Variants in DOK6 observed in about 807,000 individuals in gnomAD.
DOK6 encodes docking protein 6, also known as downstream of tyrosine kinase 6.
DOK6 carries 22 observed loss-of-function variants against 44.0 expected under a neutral mutation model. The ratio of observed to expected loss-of-function variants is 0.50; its 90% CI spans 0.36 to 0.71. DOK6 has a LOEUF of 0.71. Among genes scored for constraint, DOK6 ranks in the 30% least tolerant of loss-of-function variants. The pLI is 0.00. For missense variants in DOK6, 340 were observed against 416.4 expected, an observed-to-expected ratio of 0.82 and a Z score of 1.60; for synonymous variants, 166 against 145.5, an observed-to-expected ratio of 1.14 and a Z score of -1.01.
chr18:69,596,939 T>TCAGATAGTAATTTC (rs1371980014), intron 2 of DOK6, among the ~76,000 whole-genome samples: 8 of 151,930 alleles, frequency 5.3e-5, no homozygotes, highest in African/African-American at 1.9e-4. Flanking sequence ...GGAAATGACT[T>TCAGATAGTAATTTC]CAGATAGTAA....
At chr18:69,700,234 T>TATATATATATATATATA (rs1986487942) in intron 5 of DOK6, among the ~76,000 whole-genome samples, 2 of 147,326 alleles carry the variant, frequency 1.4e-5, no homozygotes, top group African/African-American at 2.5e-5. Flanking sequence ...TATATATATA[T>TATATATATATATATATA]GAATTGAATG....
rs186590580 is a variant in DOK6, at chr18:69,527,959, C to T, written c.67-36528C>T. ...CGGGCGGATCACGAGGTCAGGAGAT[C>T]GATACCATCTTGGCTAACATGGTGA... On this transcript the variant is annotated intron_variant, in intron 1 of 7. Transcript: ENST00000382713. Among the ~76,000 whole-genome samples, 1,362 of 152,072 alleles carry T rather than the reference C, an allele frequency of 9.0e-3. 51 individuals carry two copies. Among genetic ancestry groups the T allele is most frequent in the Admixed American group, 0.06 (921 of 15,250 alleles).
chr18:69,564,700 G>T, intron 2 of DOK6, 106 bp downstream of exon 2: 1 of 845,344 alleles, frequency 1.2e-6, no homozygotes, highest in Admixed American at 3.1e-5. Flanking sequence ...TTAATGGCTT[G>T]GGAAAAATGC....
intron 1 of DOK6, among the ~76,000 whole-genome samples, chr18:69,480,402 G>T (rs1023315109): frequency 6.6e-6 from 1 of 151,952 alleles, no homozygotes; most frequent in Non-Finnish European, 1.5e-5. Flanking sequence ...GAACCAAACA[G>T]ATTTTTATTT....
At chr18:69,762,655 G>A (rs565855673) in intron 7 of DOK6, among the ~76,000 whole-genome samples, 111 of 152,286 alleles carry the variant, frequency 7.3e-4, no homozygotes, top group African/African-American at 2.6e-3. Context: ...TATATTTAAA[G>A]TTTAAGAGAT....
intron 1 of DOK6, among the ~76,000 whole-genome samples, chr18:69,428,080 G>A (rs960462676): frequency 6.6e-6 from 1 of 151,990 alleles, no homozygotes; most frequent in South Asian, 2.1e-4. Flanking sequence ...GCCTGGCCTG[G>A]AGTACCCTAC....
At chr18:69,828,467 C>T (rs1018271839) in intron 7 of DOK6, among the ~76,000 whole-genome samples, 1 of 151,426 alleles carries the variant, frequency 6.6e-6, no homozygotes, top group African/African-American at 2.4e-5. Flanking sequence ...TAGGTAATTA[C>T]AATAATTAAA....
chr18:69,772,333 A>G (rs1979913738), intron 7 of DOK6, among the ~76,000 whole-genome samples: 1 of 152,036 alleles, frequency 6.6e-6, no homozygotes, highest in Admixed American at 6.6e-5. Context: ...AAAAAATCCC[A>G]AGGTATTTTT....
At position 69,446,292 on chromosome 18, in the gene DOK6, T is replaced by G. The variant is rs1405871649; in HGVS notation, c.66+44982T>G. On this transcript the variant is annotated intron_variant, in intron 1 of 7. Coordinates refer to ENST00000382713, the MANE Select transcript of DOK6 (RefSeq NM_152721.6). ...TCATTGTTCAATTCCCACCTATGAG[T>G]GAGAACACGCGGTGTTTGGTTTTTT... is the stretch of plus-strand genomic sequence containing the variant. 2.2e-4 allele frequency among the ~76,000 whole-genome samples: 33 copies of G among 147,626 alleles called. No individual in the cohort carries two copies. The East Asian group carries it at 6.8e-3, about 30-fold the overall frequency.
intron 1 of DOK6, among the ~76,000 whole-genome samples, chr18:69,472,134 AC>A (rs1175434579): frequency 3.3e-5 from 5 of 152,212 alleles, no homozygotes; most frequent in African/African-American, 1.2e-4. Context: ...ACATAACCTT[AC>A]CTAGGAAATA....
intron 7 of DOK6, among the ~76,000 whole-genome samples, chr18:69,764,174 A>T (rs887553901): frequency 5.9e-5 from 9 of 152,126 alleles, no homozygotes; most frequent in Non-Finnish European, 1.3e-4. Context: ...GATGGCTCAA[A>T]ATCCGTCTCT....
intron 1 of DOK6, among the ~76,000 whole-genome samples, chr18:69,476,062 T>A (rs79931238): frequency 6.6e-6 from 1 of 151,980 alleles, no homozygotes; most frequent in African/African-American, 2.4e-5. Context: ...CCTCCAATAG[T>A]CCCCAGCGTC....
chr18:69,557,886 AC>A (rs1982728736), intron 1 of DOK6, among the ~76,000 whole-genome samples: 1 of 152,080 alleles, frequency 6.6e-6, no homozygotes, highest in Non-Finnish European at 1.5e-5. Context: ...TGGTCTCTGT[AC>A]CTTGAGATGC....
chr18:69,472,619 T>G (rs1980146017), intron 1 of DOK6, among the ~76,000 whole-genome samples: 1 of 152,132 alleles, frequency 6.6e-6, no homozygotes, highest in African/African-American at 2.4e-5. Flanking sequence ...AATCTTTTTA[T>G]TTGCCTTTTT....
chr18:69,762,610 GACT>G (rs1979596000), intron 7 of DOK6, among the ~76,000 whole-genome samples: 1 of 152,132 alleles, frequency 6.6e-6, no homozygotes, highest in Non-Finnish European at 1.5e-5. Context: ...AAATTTAGCA[GACT>G]ACATTCAGAA....
chr18:69,678,703 T>G (rs1985979422), intron 4 of DOK6, among the ~76,000 whole-genome samples: 1 of 152,182 alleles, frequency 6.6e-6, no homozygotes, highest in African/African-American at 2.4e-5. Flanking sequence ...ATAACAGAAT[T>G]GGAGTAATAT....
At chr18:69,791,477 T>C (rs1250311471) in intron 7 of DOK6, among the ~76,000 whole-genome samples, 2 of 152,164 alleles carry the variant, frequency 1.3e-5, no homozygotes, top group Non-Finnish European at 2.9e-5. Context: ...CTCAATGTAG[T>C]TTTAATCTGC....
At chr18:69,627,501 G>T (rs117194068) in intron 3 of DOK6, among the ~76,000 whole-genome samples, 11,769 of 151,736 alleles carry the variant, frequency 0.078, 492 homozygotes, top group African/African-American at 0.11. Flanking sequence ...CAGGCTGGAG[G>T]GCAATGGAGC....
chr18:69,619,659 C>T (rs1984395333), intron 3 of DOK6, among the ~76,000 whole-genome samples: 2 of 152,176 alleles, frequency 1.3e-5, no homozygotes, highest in South Asian at 4.1e-4. Context: ...TAATTGTCCA[C>T]CAGTTTGTTA....
Sources: allele counts gnomAD v4.1 joint callset (sites outside exome capture counted in the v4.1 genomes callset), GRCh38; gene constraint gnomAD v4.1.1; transcripts MANE v1.5; gene names NCBI Gene and HGNC (gene_info 2026-07-23, HGNC 2026-07-21).